Variants in AFG2A observed in about 807,000 individuals in gnomAD.
AFG2A encodes AAA ATPase AFG2A, also known as ATPase family gene 2 protein homolog A.
chr4:123,126,912 G>T, the AFG2A span, among the ~76,000 whole-genome samples: 1 of 152,022 alleles, frequency 6.6e-6, no homozygotes, highest in East Asian at 1.9e-4. Flanking sequence ...CATGAATTTT[G>T]CCCGTTAATT....
At chr4:122,949,090 C>T in the AFG2A span, among the ~76,000 whole-genome samples, 2 of 152,176 alleles carry the variant, frequency 1.3e-5, no homozygotes, top group African/African-American at 4.8e-5. Flanking sequence ...TATTTAAGGC[C>T]TGCATGGCCT....
chr4:123,308,396 C>T, the AFG2A span, among the ~76,000 whole-genome samples: 16 of 152,226 alleles, frequency 1.1e-4, no homozygotes, highest in East Asian at 1.9e-3. Context: ...GGTACTGGTC[C>T]GTAGCATGTC....
At chr4:122,994,257 T>C in the AFG2A span, among the ~76,000 whole-genome samples, 1 of 152,156 alleles carries the variant, frequency 6.6e-6, no homozygotes, top group South Asian at 2.1e-4. Flanking sequence ...TACTGTGCTA[T>C]CTACTCTGGA....
the AFG2A span, among the ~76,000 whole-genome samples, chr4:123,138,691 GA>G: frequency 7.3e-5 from 11 of 150,692 alleles, no homozygotes; most frequent in African/African-American, 2.4e-4. Context: ...TTAACATTTG[GA>G]AAAAAAATAA....
At chr4:123,045,146 C>A in the AFG2A span, among the ~76,000 whole-genome samples, 9 of 150,678 alleles carry the variant, frequency 6.0e-5, no homozygotes, top group Admixed American at 2.0e-4. Flanking sequence ...AACTTTTTTT[C>A]TCCAATGTTT....
the AFG2A span, among the ~76,000 whole-genome samples, chr4:122,970,698 T>C: frequency 2.0e-5 from 3 of 152,260 alleles, no homozygotes; most frequent in African/African-American, 7.2e-5. Context: ...ATAGCCTAGA[T>C]GTATAGTAGG....
chr4:123,044,322 A>T, the AFG2A span, among the ~76,000 whole-genome samples: 2 of 152,292 alleles, frequency 1.3e-5, no homozygotes, highest in South Asian at 2.1e-4. Context: ...AACAAACAAG[A>T]TGAGTTTTTT....
chr4:122,928,974 C>T, the AFG2A span: 2 of 1,549,768 alleles, frequency 1.3e-6, no homozygotes, highest in African/African-American at 1.4e-5. Context: ...TAGCATTCTA[C>T]CTTATAAATT....
At chr4:123,020,025 C>T in the AFG2A span, among the ~76,000 whole-genome samples, 1 of 152,148 alleles carries the variant, frequency 6.6e-6, no homozygotes, top group African/African-American at 2.4e-5. Flanking sequence ...TCCCTGACAA[C>T]GTTGGGCACC....
chr4:123,083,887 G>A, the AFG2A span, among the ~76,000 whole-genome samples: 2 of 152,050 alleles, frequency 1.3e-5, no homozygotes, highest in East Asian at 1.9e-4. Flanking sequence ...TAGAGAACTG[G>A]TGTAATTTTT....
the AFG2A span, among the ~76,000 whole-genome samples, chr4:123,158,101 A>G: frequency 2.0e-5 from 3 of 152,216 alleles, no homozygotes; most frequent in Admixed American, 2.0e-4. Context: ...TCTGTGAATG[A>G]TGAAAGTGAG....
At chr4:123,046,987 T>C in the AFG2A span, among the ~76,000 whole-genome samples, 1 of 152,158 alleles carries the variant, frequency 6.6e-6, no homozygotes, top group Non-Finnish European at 1.5e-5. Context: ...TTTTAATGGC[T>C]AAATAATAAT....
At chr4:123,166,738 T>A in the AFG2A span, among the ~76,000 whole-genome samples, 1 of 152,208 alleles carries the variant, frequency 6.6e-6, no homozygotes, top group Non-Finnish European at 1.5e-5. Context: ...TTCCTTGAAC[T>A]CTAGAAGTCT....
At chr4:123,281,014 C>CT in the AFG2A span, among the ~76,000 whole-genome samples, 1 of 151,484 alleles carries the variant, frequency 6.6e-6, no homozygotes, top group South Asian at 2.1e-4. Context: ...CATTTTTGTT[C>CT]TTTTTTTTAA....
At chr4:123,110,305 G>C in the AFG2A span, among the ~76,000 whole-genome samples, 2 of 152,022 alleles carry the variant, frequency 1.3e-5, no homozygotes, top group Admixed American at 1.3e-4. Flanking sequence ...TGCAAAATTG[G>C]TAAGGAGAAC....
At chr4:122,925,834 C>A in the AFG2A span, among the ~76,000 whole-genome samples, 1 of 152,160 alleles carries the variant, frequency 6.6e-6, no homozygotes, top group South Asian at 2.1e-4. Context: ...GACTTGTGAA[C>A]AAAAGTGCCT....
the AFG2A span, among the ~76,000 whole-genome samples, chr4:123,183,281 T>G: frequency 1.3e-5 from 2 of 152,340 alleles, no homozygotes; most frequent in East Asian, 3.9e-4. Flanking sequence ...CATTGAGGTA[T>G]TTTGAGATTA....
At chr4:123,082,507 T>G in the AFG2A span, among the ~76,000 whole-genome samples, 1 of 136,934 alleles carries the variant, frequency 7.3e-6, no homozygotes, top group Admixed American at 7.9e-5. Context: ...TGTCTCTGTC[T>G]CTCTCTCTCT....
At chr4:123,078,289 G>C in the AFG2A span, among the ~76,000 whole-genome samples, 1 of 152,188 alleles carries the variant, frequency 6.6e-6, no homozygotes, top group Non-Finnish European at 1.5e-5. Flanking sequence ...TTGGAAGGCA[G>C]AGACAGCACA....
Sources: allele counts gnomAD v4.1 joint callset (sites outside exome capture counted in the v4.1 genomes callset), GRCh38; gene constraint gnomAD v4.1.1; transcripts MANE v1.5; gene names NCBI Gene and HGNC (gene_info 2026-07-23, HGNC 2026-07-21).